The following EXOC4 variants were observed in gnomAD, a reference collection of about 807,000 sequenced individuals.
EXOC4 encodes SEC8-like 1.
EXOC4 carries 71 observed loss-of-function variants against 107.2 expected under a neutral mutation model. That is an observed-to-expected ratio of 0.66 (90% CI 0.55 to 0.81). The LOEUF (loss-of-function observed/expected upper bound fraction) is 0.81, where lower values mean the gene tolerates loss of function less well. EXOC4 is among the 30% of genes least tolerant of loss of function. The pLI is 0.00. For synonymous variants in EXOC4, 456 were observed against 441.2 expected, an observed-to-expected ratio of 1.03 and a Z score of -0.42; for missense variants, 1,108 against 1,189.6, an observed-to-expected ratio of 0.93 and a Z score of 1.01.
intron 13 of EXOC4, among the ~76,000 whole-genome samples, chr7:133,929,223 G>T (rs1196267149): frequency 6.6e-6 from 1 of 151,992 alleles, no homozygotes; most frequent in East Asian, 1.9e-4. Flanking sequence ...GAGCCACCAC[G>T]CCCGGTTACA....
chr7:133,647,327 A>G (rs1803017439), intron 10 of EXOC4, among the ~76,000 whole-genome samples: 1 of 152,192 alleles, frequency 6.6e-6, no homozygotes, highest in Admixed American at 6.5e-5. Flanking sequence ...TGCAAAGGTC[A>G]CAATCAACTC....
chr7:133,423,930 C>T (rs937252260), intron 7 of EXOC4, among the ~76,000 whole-genome samples: 1 of 152,120 alleles, frequency 6.6e-6, no homozygotes, highest in Admixed American at 6.5e-5. Context: ...AGTCCTGTGG[C>T]GAGTGCTAGC....
chr7:134,085,930 G>T, the EXOC4 span, among the ~76,000 whole-genome samples: 110 of 152,286 alleles, frequency 7.2e-4, 1 homozygote, highest in African/African-American at 2.4e-3. Context: ...GCAGAGCTGT[G>T]TGTGCTCAGG....
chr7:134,031,007 C>A lies in EXOC4; in HGVS notation c.2687+23172C>A, dbSNP rs1201640268. 2.6e-5 allele frequency among the ~76,000 whole-genome samples: 4 copies of A among 152,068 alleles called. No individual in the cohort carries two copies. In the East Asian group the frequency reaches 7.7e-4, roughly 29 times the overall value. Reference sequence around the variant, plus strand: ...AAACATTGTGCTAAATGAGAGAAGCCAGTCAAAAGAAACCACACACTTTAC... The same window carrying A: ...AAACATTGTGCTAAATGAGAGAAGCAAGTCAAAAGAAACCACACACTTTAC... On this transcript the variant is annotated intron_variant, in intron 17 of 17. Transcript: ENST00000253861.
At chr7:133,419,613 T>C (rs1042167760) in intron 7 of EXOC4, among the ~76,000 whole-genome samples, 3 of 152,066 alleles carry the variant, frequency 2.0e-5, no homozygotes, top group Non-Finnish European at 2.9e-5. Context: ...TTTTGTGTTT[T>C]AAGGGGATCA....
chr7:133,603,831 A>T (rs1303966808), intron 9 of EXOC4, among the ~76,000 whole-genome samples: 1 of 152,168 alleles, frequency 6.6e-6, no homozygotes, highest in Non-Finnish European at 1.5e-5. Flanking sequence ...CACTTAATTT[A>T]TAGAAAATAA....
intron 13 of EXOC4, among the ~76,000 whole-genome samples, chr7:133,921,015 T>G: frequency 6.6e-6 from 1 of 152,218 alleles, no homozygotes; most frequent in East Asian, 1.9e-4. Flanking sequence ...ATTAATTGAC[T>G]GATTATAGGA....
Position 133,723,844 on chromosome 7 carries a change from G to A in EXOC4, c.1515-93481G>A, listed in dbSNP as rs369205974. Among the ~76,000 whole-genome samples, 107 of 151,946 alleles carry A rather than the reference G, an allele frequency of 7.0e-4. 4 individuals are homozygous for A. The South Asian group carries it at 0.022, about 31-fold the overall frequency. On this transcript the variant is annotated intron_variant, in intron 10 of 17. Transcript: ENST00000253861. ...GGGCCTCACTATGTTGCCTAGTCTGGTCTTGAACTCCTGGGCTCCAACAGT... is the reference window on the plus strand; with the variant it reads ...GGGCCTCACTATGTTGCCTAGTCTGATCTTGAACTCCTGGGCTCCAACAGT...
chr7:133,578,930 C>G (rs1801191703), intron 9 of EXOC4, among the ~76,000 whole-genome samples: 1 of 152,036 alleles, frequency 6.6e-6, no homozygotes, highest in Non-Finnish European at 1.5e-5. Flanking sequence ...CTGCTCTGCC[C>G]CTATCTGAGA....
At chr7:133,936,904 A>C (rs1056155636) in intron 13 of EXOC4, among the ~76,000 whole-genome samples, 1 of 151,902 alleles carries the variant, frequency 6.6e-6, no homozygotes, top group Non-Finnish European at 1.5e-5. Flanking sequence ...CAGGCAATCC[A>C]CCTGCCTCAG....
intron 10 of EXOC4, among the ~76,000 whole-genome samples, chr7:133,661,062 C>T (rs956344087): frequency 1.3e-5 from 2 of 152,042 alleles, no homozygotes; most frequent in East Asian, 1.9e-4. Context: ...AAGTTTTGTT[C>T]GCTTGCCAGG....
rs186156660 is a variant in EXOC4, at chr7:133,291,210, G to A, written c.471+2094G>A. Among the ~76,000 whole-genome samples the A allele has an allele frequency of 8.7e-4, 132 of 151,624 alleles. No homozygotes were observed. The Middle Eastern group carries it at 0.024, about 27-fold the overall frequency. On this transcript the variant is annotated intron_variant, in intron 3 of 17. Transcript: ENST00000253861. The stretch of plus-strand genomic sequence containing the variant: ...ACACATTTTCCGGAGGTTTTGTTTC[G>A]TTTTCTGTTTGGTTGTTTATATATT...
At chr7:133,345,451 T>C (rs1563028224) in intron 5 of EXOC4, among the ~76,000 whole-genome samples, 1 of 152,196 alleles carries the variant, frequency 6.6e-6, no homozygotes. Context: ...AAACTGTCAG[T>C]TTATTCATCT....
chr7:133,952,439 G>C (rs1282668838), intron 14 of EXOC4, among the ~76,000 whole-genome samples: 1 of 152,160 alleles, frequency 6.6e-6, no homozygotes, highest in Admixed American at 6.5e-5. Context: ...GGAATTCTGG[G>C]AGTCTCAGTT....
At chr7:134,065,963 G>A (rs1312669384), downstream of EXOC4, 2 of 152,320 alleles carry the variant, frequency 1.3e-5, no homozygotes, top group Non-Finnish European at 2.9e-5. Flanking sequence ...CAGGCAGTGG[G>A]GCTGCCGGGA....
chr7:134,031,152 G>T (rs1310067492), intron 17 of EXOC4, among the ~76,000 whole-genome samples: 3 of 152,108 alleles, frequency 2.0e-5, no homozygotes, highest in Non-Finnish European at 4.4e-5. Context: ...AGGATACAGG[G>T]TTTCTTTTTG....
At chr7:133,620,208 A>G (rs544148205) in intron 9 of EXOC4, among the ~76,000 whole-genome samples, 2 of 151,704 alleles carry the variant, frequency 1.3e-5, no homozygotes, top group South Asian at 2.1e-4. Context: ...TGTATTTTTA[A>G]TAGAGACCAG....
chr7:133,395,387 T>C (rs1443188050), intron 7 of EXOC4, among the ~76,000 whole-genome samples: 1 of 152,140 alleles, frequency 6.6e-6, no homozygotes, highest in Non-Finnish European at 1.5e-5. Context: ...AATGATGCCC[T>C]TTTCTTTAAA....
chr7:133,379,942 T>G (rs1440518986), intron 7 of EXOC4, among the ~76,000 whole-genome samples: 2 of 151,904 alleles, frequency 1.3e-5, no homozygotes, highest in African/African-American at 4.8e-5. Context: ...TAAAAATAGG[T>G]TTTTCTGGCA....
Sources: gnomAD v4.1 joint callset for allele counts (sites outside exome capture counted in the v4.1 genomes callset) on GRCh38, gnomAD v4.1.1 for gene constraint, MANE v1.5 for transcripts, NCBI Gene and HGNC (gene_info 2026-07-23, HGNC 2026-07-21) for gene names.